TEX35: variants seen among roughly 807,000 people sequenced by gnomAD.
TEX35 encodes the protein testis expressed 35, also known as testis-expressed protein 35.
In TEX35, 26 loss-of-function variants were observed where a neutral mutation model predicts 31.9. The observed-to-expected ratio is 0.81, with a 90% CI of 0.60 to 1.13. The LOEUF is 1.13. TEX35 is among the 50% of genes most tolerant of loss of function. The probability of loss-of-function intolerance (pLI) is 0.00; values close to 1 mark genes in which losing one functional copy is unlikely to be tolerated. For synonymous variants in TEX35, 87 were observed against 90.7 expected, an observed-to-expected ratio of 0.96 and a Z score of 0.23; for missense variants, 278 against 273.5, an observed-to-expected ratio of 1.02 and a Z score of -0.12.
chr1:178,513,764 C>T (rs912773651), intron 1 of TEX35, among the ~76,000 whole-genome samples: 20 of 152,264 alleles, frequency 1.3e-4, no homozygotes, highest in South Asian at 4.1e-4. Context: ...GCTTTCTCCA[C>T]GCTGGCGCCT....
intron 2 of TEX35, 23 bp downstream of exon 2, chr1:178,514,100 T>G (rs756033520): frequency 6.2e-7 from 1 of 1,614,178 alleles, no homozygotes; most frequent in Non-Finnish European, 8.5e-7. Flanking sequence ...TTTGAGGCCA[T>G]GCAGGCAGCC....
intron 5 of TEX35, among the ~76,000 whole-genome samples, chr1:178,519,973 A>G (rs1650205532): frequency 6.6e-6 from 1 of 152,248 alleles, no homozygotes. Flanking sequence ...AATATGCAGG[A>G]TCTGGGTGCA....
intron 7 of TEX35, 52 bp downstream of exon 7, chr1:178,520,926 G>C: frequency 6.2e-7 from 1 of 1,604,396 alleles, no homozygotes; most frequent in Non-Finnish European, 8.5e-7. Flanking sequence ...CCTGGCTCCG[G>C]CTCCCTGGTG....
chr1:178,523,390 G>T, downstream of TEX35: 1 of 600,384 alleles, frequency 1.7e-6, no homozygotes, highest in Non-Finnish European at 3.0e-6. Flanking sequence ...CTCCATAGTG[G>T]CTGTACTAAT....
At chr1:178,521,143 G>A (rs1178778664) in intron 7 of TEX35, 79 bp from the exon 8 acceptor site, 1 of 1,606,462 alleles carries the variant, frequency 6.2e-7, no homozygotes, top group African/African-American at 1.3e-5. Context: ...TTTAGCAAGG[G>A]CAGATAAGGT....
Position 178,516,629 on chromosome 1 carries a change from G to A in TEX35, c.231G>A (p.Met77Ile). The A allele has an allele frequency of 6.2e-7, 1 of 1,613,562 alleles. No homozygotes were observed. Residue 77 changes from methionine to isoleucine, a missense_variant, in exon 5 of 9, where the codon ATG (methionine) becomes ATA (isoleucine). Coordinates refer to ENST00000319416, the MANE Select transcript of TEX35 (RefSeq NM_032126.5). ...MEEIKQIKDL[M>I]DKDFDKLHEF... ...TTCCTTGTTAGATAAAGGATCTAAT[G>A]GACAAGGATTTTGATAAACTTCACG...
chr1:178,515,364 G>T (rs1172022530), intron 3 of TEX35, among the ~76,000 whole-genome samples: 2 of 152,166 alleles, frequency 1.3e-5, no homozygotes, highest in African/African-American at 4.8e-5. Flanking sequence ...CTCCTGAAGT[G>T]CTGGGATTAC....
In TEX35 at chr1:178,514,649, C is replaced by T. The variant is rs747984630; in HGVS notation, c.91-51C>T. ...GGGATCTCTTCTGCCTCTGCACTTC[C>T]ACCGCCCATCTGCAATTCCCAAAGG... On this transcript the variant is annotated intron_variant, in intron 2 of 8. Coordinates refer to ENST00000319416, the MANE Select transcript of TEX35 (RefSeq NM_032126.5). 1.0e-5 allele frequency: 16 copies of T among 1,565,542 alleles called. No homozygotes were observed. In the South Asian group the frequency reaches 1.5e-4, roughly 14 times the overall value.
In TEX35 at chr1:178,522,375, G is replaced by A. The variant is rs1400572673; in HGVS notation, c.637G>A (p.Val213Met). ...CCTTTACAAAGGTGGAGAGGAGCCA[G>A]TGACCACCCAACCTTCTGTGGGCCA... is the stretch of plus-strand genomic sequence containing the variant. ...SGLYKGGEEPVTTQPSVGHAV... is the reference protein window; with the variant it reads ...SGLYKGGEEPMTTQPSVGHAV... Residue 213 changes from valine to methionine, a missense_variant, in exon 9 of 9, where the codon GTG becomes ATG. Val to Met is a conservative substitution (Grantham distance 21, BLOSUM62 1). Coordinates refer to ENST00000319416, the MANE Select transcript of TEX35 (RefSeq NM_032126.5). 2 of 1,607,312 alleles carry A rather than the reference G, an allele frequency of 1.2e-6. No individual in the cohort carries two copies. Among genetic ancestry groups the A allele is most frequent in the Non-Finnish European group, 1.7e-6 (2 of 1,176,724 alleles).
intron 4 of TEX35, 122 bp downstream of exon 4, chr1:178,516,037 T>C: frequency 1.3e-6 from 1 of 784,166 alleles, no homozygotes; most frequent in East Asian, 2.7e-5. Flanking sequence ...TCAGTCCTAA[T>C]ACCCAGAGCA....
At chr1:178,518,262 TGTTA>T (rs937252048) in intron 5 of TEX35, among the ~76,000 whole-genome samples, 17 of 152,158 alleles carry the variant, frequency 1.1e-4, no homozygotes, top group African/African-American at 4.1e-4. Flanking sequence ...GCTCTTATAC[TGTTA>T]ATTAGAGTGC....
chr1:178,521,787 A>AT, intron 8 of TEX35: 1 of 1,549,102 alleles, frequency 6.5e-7, no homozygotes, highest in Non-Finnish European at 8.7e-7. Flanking sequence ...TCCACTGGAG[A>AT]TTAAAAACCT....
chr1:178,516,728 A>G (rs1650093475), intron 5 of TEX35, 54 bp downstream of exon 5: 1 of 1,312,312 alleles, frequency 7.6e-7, no homozygotes, highest in Non-Finnish European at 1.1e-6. Context: ...GAAACTGTGG[A>G]AGAGACACCA....
intron 2 of TEX35, 90 bp downstream of exon 2, chr1:178,514,167 T>C: frequency 6.2e-7 from 1 of 1,607,646 alleles, no homozygotes; most frequent in Non-Finnish European, 8.5e-7. Flanking sequence ...CTGATCCTAG[T>C]GGCCAAGATT....
Position 178,521,230 on chromosome 1 carries a change from T to C in TEX35, c.552T>C (p.Cys184=). 6.2e-6 allele frequency: 10 copies of C among 1,614,246 alleles called. No homozygotes were observed. The highest frequency in any genetic ancestry group is 8.5e-6 in the Non-Finnish European group (10 of 1,180,040). Residue 184 remains cysteine (C), a synonymous_variant, in exon 8 of 9, where the codon TGT becomes TGC. Transcript: ENST00000319416. ...LHHCGTCCEK[C]LLCALKNNYN... ...GTTTCTGTCCTCTGCAGGAGAAATG[T>C]TTGTTGTGTGCTCTAAAGAACAACT...
chr1:178,522,286 C>T (rs776731771), intron 8 of TEX35, 39 bp from the exon 9 acceptor site: 2 of 1,535,510 alleles, frequency 1.3e-6, no homozygotes, highest in East Asian at 2.4e-5. Flanking sequence ...CCCTTCTCAC[C>T]CCCTTGAAGG....
chr1:178,522,396 G>C lies in TEX35; in HGVS notation c.658G>C (p.Gly220Arg). The change falls in exon 9 of 9, where the codon GGC becomes CGC. Residue 220 changes from glycine to arginine, a missense_variant. Coordinates refer to ENST00000319416, the MANE Select transcript of TEX35 (RefSeq NM_032126.5). The part of the protein sequence containing the change: ...EEPVTTQPSV[G>R]HAVPAPKSQT... The stretch of plus-strand genomic sequence containing the variant: ...GCCAGTGACCACCCAACCTTCTGTG[G>C]GCCACGCTGTGCCTGCCCCAAAGTC... The C allele has an allele frequency of 6.2e-7, 1 of 1,605,584 alleles. No homozygotes were observed. The highest frequency in any genetic ancestry group is 1.1e-5 in the South Asian group (1 of 88,874).
chr1:178,513,287 T>C (rs375419821), intron 1 of TEX35, 60 bp downstream of exon 1: 14 of 1,603,014 alleles, frequency 8.7e-6, no homozygotes, highest in Non-Finnish European at 1.2e-5. Flanking sequence ...TGAATGGAGA[T>C]GGTGTCGGGG....
chr1:178,516,105 T>A (rs962539779), intron 4 of TEX35, among the ~76,000 whole-genome samples, 190 bp downstream of exon 4: 2 of 152,204 alleles, frequency 1.3e-5, no homozygotes, highest in African/African-American at 4.8e-5. Flanking sequence ...AATTTTTGAG[T>A]GACTGAGGAC....
Sources: allele counts gnomAD v4.1 joint callset (sites outside exome capture counted in the v4.1 genomes callset), GRCh38; gene constraint gnomAD v4.1.1; transcripts MANE v1.5; gene names NCBI Gene and HGNC (gene_info 2026-07-23, HGNC 2026-07-21).